The following NCOA3 variants were observed in gnomAD, a reference collection of about 807,000 sequenced individuals.
NCOA3 encodes nuclear receptor coactivator 3, also known as CBP-interacting protein.
A neutral mutation model predicts 158.8 loss-of-function variants in NCOA3; 51 were observed. The ratio of observed to expected loss-of-function variants is 0.32; its 90% CI spans 0.26 to 0.41. The LOEUF is 0.41. Ranked by LOEUF, NCOA3 falls within the 10% of genes least tolerant of loss-of-function variation. The pLI, the probability that NCOA3 is intolerant of heterozygous loss-of-function variation, is 1.00. For synonymous variants in NCOA3, 537 were observed against 592.4 expected (o/e 0.91, Z 1.36); for missense variants, 1,510 against 1,746.6 (o/e 0.86, Z 2.41).
At chr20:47,535,032 T>C (rs541441362) in intron 1 of NCOA3, among the ~76,000 whole-genome samples, 1 of 152,038 alleles carries the variant, frequency 6.6e-6, no homozygotes, top group African/African-American at 2.4e-5. Flanking sequence ...TTTTTTTTTT[T>C]CTTTTTAAAT....
intron 2 of NCOA3, among the ~76,000 whole-genome samples, chr20:47,593,315 C>T (rs2085681501): frequency 6.8e-6 from 1 of 147,758 alleles, no homozygotes; most frequent in African/African-American, 2.5e-5. Context: ...CTTTGGAGTA[C>T]CTCCTCTTGA....
At chr20:47,538,325 C>T (rs764993057) in intron 1 of NCOA3, among the ~76,000 whole-genome samples, 2 of 152,040 alleles carry the variant, frequency 1.3e-5, no homozygotes, top group African/African-American at 4.8e-5. Context: ...TTAGGCACTG[C>T]GTTAGAAGCG....
At chr20:47,551,467 C>T (rs891210140) in intron 1 of NCOA3, among the ~76,000 whole-genome samples, 6 of 152,238 alleles carry the variant, frequency 3.9e-5, no homozygotes, top group South Asian at 2.1e-4. Flanking sequence ...GAAGCAAAGA[C>T]GTATAACTGT....
At chr20:47,548,303 G>C (rs1295861602) in intron 1 of NCOA3, among the ~76,000 whole-genome samples, 1 of 151,818 alleles carries the variant, frequency 6.6e-6, no homozygotes, top group Non-Finnish European at 1.5e-5. Flanking sequence ...AGCACTTTGG[G>C]AGGTTGAGGC....
intron 16 of NCOA3, 46 bp from the exon 17 acceptor site, chr20:47,642,167 G>GAAA: frequency 3.6e-6 from 4 of 1,114,104 alleles, no homozygotes; most frequent in South Asian, 1.9e-5. Flanking sequence ...ATTACTCTTA[G>GAAA]AAAAAAAAAA....
intron 1 of NCOA3, among the ~76,000 whole-genome samples, chr20:47,522,761 A>C (rs1416564543): frequency 6.6e-6 from 1 of 152,080 alleles, no homozygotes; most frequent in African/African-American, 2.4e-5. Context: ...TTGTGGGGAA[A>C]GGGCAAGAAG....
At chr20:47,594,540 C>T (rs1017548663) in intron 2 of NCOA3, among the ~76,000 whole-genome samples, 4 of 151,604 alleles carry the variant, frequency 2.6e-5, no homozygotes, top group African/African-American at 9.7e-5. Context: ...TGGCAGGCAC[C>T]TGTAATCCCA....
intron 1 of NCOA3, among the ~76,000 whole-genome samples, chr20:47,546,951 A>G (rs1382222495): frequency 6.6e-6 from 1 of 152,062 alleles, no homozygotes; most frequent in Admixed American, 6.6e-5. Flanking sequence ...CTTTCTTGGA[A>G]TGTTTCTGTC....
intron 1 of NCOA3, among the ~76,000 whole-genome samples, chr20:47,544,366 C>T (rs993189942): frequency 2.7e-5 from 4 of 145,660 alleles, no homozygotes; most frequent in Non-Finnish European, 6.0e-5. Flanking sequence ...CACTGTCACC[C>T]AGGCTGGAAT....
intron 2 of NCOA3, among the ~76,000 whole-genome samples, chr20:47,613,664 G>C (rs2086080008): frequency 6.6e-6 from 1 of 152,106 alleles, no homozygotes; most frequent in Non-Finnish European, 1.5e-5. Flanking sequence ...TGTAATCCCA[G>C]CACTTTGGGA....
At chr20:47,515,384 T>C (rs1356805288) in intron 1 of NCOA3, among the ~76,000 whole-genome samples, 2 of 151,392 alleles carry the variant, frequency 1.3e-5, no homozygotes, top group Admixed American at 1.3e-4. Flanking sequence ...GAACTCCTGA[T>C]GTCGTGATCC....
chr20:47,572,415 A>G (rs2085308164), intron 1 of NCOA3, among the ~76,000 whole-genome samples: 2 of 152,078 alleles, frequency 1.3e-5, no homozygotes, highest in African/African-American at 2.4e-5. Flanking sequence ...TAGTAAAAGA[A>G]AAAAAAACAG....
Position 47,526,235 on chromosome 20 carries a change from G to A in NCOA3, c.-99+24216G>A, listed in dbSNP as rs551845650. Among the ~76,000 whole-genome samples, 3 of 151,390 alleles carry A rather than the reference G, an allele frequency of 2.0e-5. No individual in the cohort carries two copies. In the East Asian group the frequency reaches 5.9e-4, roughly 30 times the overall value. On this transcript the variant is annotated intron_variant, in intron 1 of 22. Transcript: ENST00000371998. Reference sequence around the variant, plus strand: ...GGGAAGAGGCGCTCCTCACTTCCTAGATGGCATGGTGGCCGGGCAGAGACG... The same window carrying A: ...GGGAAGAGGCGCTCCTCACTTCCTAAATGGCATGGTGGCCGGGCAGAGACG...
chr20:47,622,788 C>T (rs940008186), intron 3 of NCOA3, among the ~76,000 whole-genome samples: 5 of 151,992 alleles, frequency 3.3e-5, no homozygotes, highest in Admixed American at 6.6e-5. Flanking sequence ...GTTTTGCGGG[C>T]GGGGTTAGAT....
chr20:47,569,608 G>A (rs1156766622), intron 1 of NCOA3, among the ~76,000 whole-genome samples: 1 of 151,934 alleles, frequency 6.6e-6, no homozygotes, highest in African/African-American at 2.4e-5. Context: ...GCTTGAACTC[G>A]GGAGGCGGAG....
chr20:47,554,927 T>A (rs955149988), intron 1 of NCOA3, among the ~76,000 whole-genome samples: 2 of 152,134 alleles, frequency 1.3e-5, no homozygotes, highest in Admixed American at 1.3e-4. Context: ...AGAACAAAGC[T>A]GGAGGCATCA....
chr20:47,625,065 G>A (rs535314600), intron 4 of NCOA3, among the ~76,000 whole-genome samples: 10 of 152,096 alleles, frequency 6.6e-5, no homozygotes, highest in Non-Finnish European at 1.5e-4. Flanking sequence ...GAGCCACCGC[G>A]CTGGGCCTCC....
At position 47,522,099 on chromosome 20, in the gene NCOA3, C is replaced by CTTTTTT. The variant is rs772811888; in HGVS notation, c.-99+20098_-99+20103dup. ...GTTTTGTAGTTACCATTGTACAGATCTTTTTTTTTTTTTTTTTTTTTTTGA... is the reference window on the plus strand; with the variant it reads ...GTTTTGTAGTTACCATTGTACAGATCTTTTTTTTTTTTTTTTTTTTTTTTTTTTTGA... On this transcript the variant is annotated intron_variant, in intron 1 of 22. Transcript: ENST00000371998. Among the ~76,000 whole-genome samples the CTTTTTT allele has an allele frequency of 1.2e-3, 92 of 76,840 alleles. 2 individuals carry two copies. Among genetic ancestry groups the CTTTTTT allele is most frequent in the Non-Finnish European group, 1.6e-3 (65 of 40,964 alleles). 50.4% of individuals were successfully genotyped at this position (76,840 alleles called of 152,430 possible).
intron 5 of NCOA3, among the ~76,000 whole-genome samples, chr20:47,626,467 G>A (rs182986947): frequency 1.6e-4 from 25 of 152,002 alleles, no homozygotes; most frequent in African/African-American, 5.5e-4. Flanking sequence ...ACATATTTAT[G>A]TACACACTCC....
Sources: allele counts gnomAD v4.1 joint callset (sites outside exome capture counted in the v4.1 genomes callset), GRCh38; gene constraint gnomAD v4.1.1; transcripts MANE v1.5; gene names NCBI Gene and HGNC (gene_info 2026-07-23, HGNC 2026-07-21).